CTNNA3: variants seen among roughly 807,000 people sequenced by gnomAD.
CTNNA3 encodes catenin alpha-3.
CTNNA3 carries 76 observed loss-of-function variants against 95.7 expected under a neutral mutation model. The observed-to-expected ratio is 0.79, with a 90% CI of 0.66 to 0.96. The LOEUF (loss-of-function observed/expected upper bound fraction) is 0.96. Among genes scored for constraint, CTNNA3 ranks in the 40% least tolerant of loss-of-function variants. The pLI is 0.00. For missense variants in CTNNA3, 1,191 were observed against 1,089.8 expected (o/e 1.09, Z -1.31); for synonymous variants, 431 against 374.4 (o/e 1.15, Z -1.74).
intron 13 of CTNNA3, among the ~76,000 whole-genome samples, chr10:66,214,638 A>C (rs1257316319): frequency 6.6e-6 from 1 of 151,986 alleles, no homozygotes; most frequent in African/African-American, 2.4e-5. Flanking sequence ...AGGGAGAAAA[A>C]ATATATATTA....
At chr10:66,288,835 A>G (rs2091633484) in intron 12 of CTNNA3, among the ~76,000 whole-genome samples, 2 of 152,070 alleles carry the variant, frequency 1.3e-5, no homozygotes, top group African/African-American at 4.8e-5. Flanking sequence ...ACCCTAAAGA[A>G]ACCCTCTCTG....
intron 5 of CTNNA3, among the ~76,000 whole-genome samples, chr10:67,345,520 T>C (rs536993355): frequency 1.3e-5 from 2 of 152,148 alleles, no homozygotes; most frequent in African/African-American, 4.8e-5. Flanking sequence ...GTTGGGTGCA[T>C]ATATATTTAA....
intron 2 of CTNNA3, among the ~76,000 whole-genome samples, chr10:67,617,224 G>A (rs1843683939): frequency 6.6e-6 from 1 of 152,074 alleles, no homozygotes; most frequent in South Asian, 2.1e-4. Flanking sequence ...ATGAAGCCTA[G>A]CACTCAATAG....
Position 66,199,585 on chromosome 10 carries a change from AGTTTGTTT to A in CTNNA3, c.1884+80877_1884+80884del, listed in dbSNP as rs534955423. On this transcript the variant is annotated intron_variant, in intron 13 of 17. Coordinates refer to ENST00000433211, the MANE Select transcript of CTNNA3 (RefSeq NM_013266.4). Reference sequence around the variant, plus strand: ...TATCTCACTACACTTCAGACCAAATAGTTTGTTTGTTTGTTTGTTTGTTTTTTTGTTTT... The same window carrying A: ...TATCTCACTACACTTCAGACCAAATAGTTTGTTTGTTTGTTTTTTTGTTTT... Among the ~76,000 whole-genome samples the A allele has an allele frequency of 8.8e-4, 132 of 150,352 alleles. No homozygotes were observed. In the East Asian group the frequency reaches 8.9e-3, roughly 10 times the overall value.
At chr10:67,727,078 A>T (rs1381107388) in intron 1 of CTNNA3, among the ~76,000 whole-genome samples, 1 of 114,196 alleles carries the variant, frequency 8.8e-6, no homozygotes, top group African/African-American at 3.9e-5. Flanking sequence ...TATATGATAC[A>T]TATATGATAT....
At chr10:66,794,462 G>A (rs1841110757) in intron 7 of CTNNA3, among the ~76,000 whole-genome samples, 1 of 152,092 alleles carries the variant, frequency 6.6e-6, no homozygotes, top group Non-Finnish European at 1.5e-5. Flanking sequence ...GTGTGCAACA[G>A]CATTATATCT....
chr10:67,498,508 T>G (rs912230142), intron 5 of CTNNA3, among the ~76,000 whole-genome samples: 1 of 152,152 alleles, frequency 6.6e-6, no homozygotes, highest in Non-Finnish European at 1.5e-5. Context: ...GCATTGAATC[T>G]ATAAATTACT....
In CTNNA3 at chr10:67,224,006, TCATATA is replaced by T. The variant is rs534994648; in HGVS notation, c.580-4142_580-4137del. Among the ~76,000 whole-genome samples the T allele has an allele frequency of 4.8e-5, 7 of 147,278 alleles. No individual in the cohort carries two copies. In the East Asian group the frequency reaches 1.4e-3, roughly 30 times the overall value. ...ATTCAAGGTGTACTATATGATGCTT[TCATATA>T]CATATACATTGTGTAATGATTACTA... On this transcript the variant is annotated intron_variant, in intron 5 of 17. Transcript: ENST00000433211.
Position 66,704,356 on chromosome 10 carries a change from C to T in CTNNA3, c.1281+61908G>A, listed in dbSNP as rs148697505. On this transcript the variant is annotated intron_variant, in intron 9 of 17. Coordinates refer to ENST00000433211, the MANE Select transcript of CTNNA3 (RefSeq NM_013266.4). ...ACATAAATGCTTCTTTTTCTTATCA[C>T]TGTTACCCAATACTGATATCACAGA... 2.6e-5 allele frequency among the ~76,000 whole-genome samples: 4 copies of T among 152,254 alleles called. No homozygotes were observed. The East Asian group carries it at 7.7e-4, about 29-fold the overall frequency.
At chr10:66,201,487 C>T (rs949422556) in intron 13 of CTNNA3, among the ~76,000 whole-genome samples, 1 of 152,186 alleles carries the variant, frequency 6.6e-6, no homozygotes, top group Admixed American at 6.5e-5. Flanking sequence ...GATGAATTCT[C>T]CAATAGGCCT....
At chr10:67,353,932 G>A (rs1421982736) in intron 5 of CTNNA3, among the ~76,000 whole-genome samples, 5 of 151,948 alleles carry the variant, frequency 3.3e-5, no homozygotes, top group East Asian at 3.9e-4. Context: ...TGAAGAGACC[G>A]AACTTCAGGT....
At chr10:66,571,168 T>G (rs946511051) in intron 10 of CTNNA3, among the ~76,000 whole-genome samples, 5 of 152,212 alleles carry the variant, frequency 3.3e-5, no homozygotes, top group African/African-American at 1.2e-4. Flanking sequence ...AGAAACAATT[T>G]CATTATATTT....
intron 1 of CTNNA3, among the ~76,000 whole-genome samples, chr10:67,649,095 T>G (rs1195445816): frequency 6.6e-6 from 1 of 152,222 alleles, no homozygotes; most frequent in Non-Finnish European, 1.5e-5. Context: ...AAATAAGTGC[T>G]CACAAAAGAA....
chr10:66,356,527 C>G (rs34439213), intron 12 of CTNNA3, among the ~76,000 whole-genome samples: 30,725 of 151,730 alleles, frequency 0.2, 3,548 homozygotes, highest in East Asian at 0.51. Flanking sequence ...TATAATAGAT[C>G]TTTGGAATTC....
intron 13 of CTNNA3, among the ~76,000 whole-genome samples, chr10:66,246,238 C>T (rs1443609365): frequency 1.3e-5 from 2 of 152,130 alleles, no homozygotes; most frequent in Non-Finnish European, 2.9e-5. Flanking sequence ...CCTGAGAGGG[C>T]AGGGGGGCCT....
intron 7 of CTNNA3, among the ~76,000 whole-genome samples, chr10:66,848,945 A>G (rs2132374054): frequency 6.6e-6 from 1 of 152,336 alleles, no homozygotes; most frequent in Non-Finnish European, 1.5e-5. Flanking sequence ...AGATTGCACA[A>G]CTGTGCATAA....
intron 13 of CTNNA3, among the ~76,000 whole-genome samples, chr10:66,150,870 T>G (rs540456868): frequency 6.6e-6 from 1 of 152,198 alleles, no homozygotes; most frequent in Admixed American, 6.6e-5. Flanking sequence ...AATAATGTTA[T>G]GCTATACAGT....
chr10:67,534,586 C>T (rs965544790), intron 4 of CTNNA3, among the ~76,000 whole-genome samples: 3 of 152,018 alleles, frequency 2.0e-5, no homozygotes, highest in Non-Finnish European at 4.4e-5. Flanking sequence ...TATAGATATC[C>T]CTCCCTTCCG....
In CTNNA3 at chr10:65,920,432, C is replaced by T. The variant is rs773840516; in HGVS notation, c.2586G>A (p.Glu862=). Residue 862 remains glutamate, a synonymous_variant, in exon 18 of 18, where the codon GAG becomes GAA. Transcript: ENST00000433211. Reference sequence around the variant, plus strand: ...CAGCTGCACACGTTTCCTCTGGCTTCTCTCTTTTAATCAAGGGTTTTTTTG... The same window carrying T: ...CAGCTGCACACGTTTCCTCTGGCTTTTCTCTTTTAATCAAGGGTTTTTTTG... ...APAKKPLIKR[E]KPEETCAAVR... 2 of 1,614,032 alleles carry T rather than the reference C, an allele frequency of 1.2e-6. No individual in the cohort carries two copies. Among genetic ancestry groups the T allele is most frequent in the African/African-American group, 1.3e-5 (1 of 74,916 alleles).
Sources: allele counts gnomAD v4.1 joint callset (sites outside exome capture counted in the v4.1 genomes callset), GRCh38; gene constraint gnomAD v4.1.1; transcripts MANE v1.5; gene names NCBI Gene and HGNC (gene_info 2026-07-23, HGNC 2026-07-21).